Variants in FGF14 observed in about 807,000 individuals in gnomAD.
The protein encoded by FGF14 is fibroblast growth factor 14.
A neutral mutation model predicts 25.5 loss-of-function variants in FGF14; 5 were observed. The observed-to-expected ratio is 0.20, with a 90% CI of 0.10 to 0.41. FGF14 has a LOEUF of 0.41. Ranked by LOEUF, FGF14 falls within the 10% of genes least tolerant of loss-of-function variation. FGF14 has a pLI of 1.00. For synonymous variants in FGF14, 138 were observed against 118.3 expected (o/e 1.17, Z -1.08); for missense variants, 222 against 320.1 (o/e 0.69, Z 2.34).
At chr13:102,137,490 T>G (rs2046463278) in intron 1 of FGF14, among the ~76,000 whole-genome samples, 2 of 152,278 alleles carry the variant, frequency 1.3e-5, no homozygotes, top group African/African-American at 4.8e-5. Context: ...AAGTCTGGAC[T>G]CTGGTAATTT....
rs186275990 is a variant in FGF14, at chr13:102,174,721, T to C, written c.208+226750A>G. 3.3e-5 allele frequency among the ~76,000 whole-genome samples: 5 copies of C among 152,126 alleles called. No individual in the cohort carries two copies. The East Asian group carries it at 9.7e-4, about 29-fold the overall frequency. On this transcript the variant is annotated intron_variant, in intron 1 of 4. Coordinates refer to the FGF14 transcript ENST00000376131. ...CTTACTTACAAGTGGGAGCTAAGCA[T>C]TGAGCACACATGGACATAAATAGGG...
intron 1 of FGF14, among the ~76,000 whole-genome samples, chr13:102,269,907 C>T (rs1024611127): frequency 2.0e-5 from 3 of 152,088 alleles, no homozygotes; most frequent in Admixed American, 6.6e-5. Flanking sequence ...AGATGGTGTC[C>T]ACAAGCTAGA....
chr13:102,029,097 C>T (rs947369207), intron 1 of FGF14, among the ~76,000 whole-genome samples: 18 of 152,128 alleles, frequency 1.2e-4, no homozygotes, highest in Non-Finnish European at 2.4e-4. Flanking sequence ...ATGGTAACTT[C>T]GCTGGCTTGG....
chr13:102,119,814 G>A (rs1386672415), intron 1 of FGF14, among the ~76,000 whole-genome samples: 1 of 152,136 alleles, frequency 6.6e-6, no homozygotes, highest in Non-Finnish European at 1.5e-5. Context: ...GTTTTTAAAT[G>A]TTTCCGTATG....
At chr13:101,743,628 TGTCA>T (rs2036697018) in intron 3 of FGF14, among the ~76,000 whole-genome samples, 1 of 152,186 alleles carries the variant, frequency 6.6e-6, no homozygotes, top group Non-Finnish European at 1.5e-5. Flanking sequence ...GCCTTCACAC[TGTCA>T]GTGATAGAAT....
chr13:101,742,956 T>C (rs1334579173), intron 3 of FGF14, among the ~76,000 whole-genome samples: 1 of 152,182 alleles, frequency 6.6e-6, no homozygotes, highest in East Asian at 1.9e-4. Flanking sequence ...TTTCTGTAAA[T>C]TGTGCATTCA....
intron 3 of FGF14, among the ~76,000 whole-genome samples, chr13:101,744,191 ATTTT>A (rs1372681510): frequency 6.6e-6 from 1 of 152,166 alleles, no homozygotes; most frequent in African/African-American, 2.4e-5. Flanking sequence ...CTTGTGGGTG[ATTTT>A]TTTATTGTAT....
chr13:101,782,957 T>A (rs1026746344), intron 3 of FGF14, among the ~76,000 whole-genome samples: 3 of 152,208 alleles, frequency 2.0e-5, no homozygotes, highest in Admixed American at 6.5e-5. Context: ...TGTCACTCTG[T>A]CTTCCACAAT....
intron 1 of FGF14, among the ~76,000 whole-genome samples, chr13:102,106,639 A>G (rs1278228892): frequency 1.3e-5 from 2 of 151,870 alleles, no homozygotes; most frequent in Non-Finnish European, 2.9e-5. Flanking sequence ...AGAGAGAAAG[A>G]AAGAAAAGAA....
At chr13:101,836,264 T>G (rs887293661) in intron 3 of FGF14, among the ~76,000 whole-genome samples, 5 of 151,982 alleles carry the variant, frequency 3.3e-5, no homozygotes, top group African/African-American at 1.2e-4. Flanking sequence ...CTAAGACAAA[T>G]AAGATTCTAC....
chr13:102,252,856 T>C (rs530160330), intron 1 of FGF14, among the ~76,000 whole-genome samples: 64 of 152,192 alleles, frequency 4.2e-4, no homozygotes, highest in African/African-American at 1.5e-3. Flanking sequence ...TGTGTAATGT[T>C]CCCTTCCCTG....
intron 1 of FGF14, among the ~76,000 whole-genome samples, chr13:101,891,297 G>A (rs1343745417): frequency 6.6e-6 from 1 of 152,118 alleles, no homozygotes; most frequent in African/African-American, 2.4e-5. Context: ...GTCTCCAGTT[G>A]TGAGGAATAT....
Position 101,915,229 on chromosome 13 carries a change from T to C in FGF14, c.193+1224A>G, listed in dbSNP as rs935427525. On this transcript the variant is annotated intron_variant, in intron 1 of 4. Coordinates refer to ENST00000376143, the MANE Select transcript of FGF14 (RefSeq NM_004115.4). ...AATTGTCCTTTTAAAATATTCAGCATTAGCCTTTAAAAAAAAAGCATCAAA... is the reference window on the plus strand; with the variant it reads ...AATTGTCCTTTTAAAATATTCAGCACTAGCCTTTAAAAAAAAAGCATCAAA... Among the ~76,000 whole-genome samples, 3 of 152,212 alleles carry C rather than the reference T, an allele frequency of 2.0e-5. 1 individual carries two copies. Among genetic ancestry groups the C allele is most frequent in the Non-Finnish European group, 4.4e-5 (3 of 68,034 alleles).
At chr13:101,780,683 T>C (rs1414948978) in intron 3 of FGF14, among the ~76,000 whole-genome samples, 1 of 152,090 alleles carries the variant, frequency 6.6e-6, no homozygotes, top group African/African-American at 2.4e-5. Flanking sequence ...GAAACCCTTA[T>C]TAAACCTTTA....
intron 1 of FGF14, among the ~76,000 whole-genome samples, chr13:102,188,633 A>G (rs2048966317): frequency 6.6e-6 from 1 of 152,116 alleles, no homozygotes; most frequent in Non-Finnish European, 1.5e-5. Context: ...TTGGTGCCAG[A>G]AATAGCATAA....
upstream of FGF14, among the ~76,000 whole-genome samples, chr13:101,921,506 C>T (rs147140428): frequency 1.6e-3 from 250 of 152,294 alleles, 2 homozygotes; most frequent in African/African-American, 5.7e-3. Flanking sequence ...TTCTCTAATA[C>T]CCCGTATATA....
chr13:101,801,274 C>T lies in FGF14; in HGVS notation c.408+67451G>A, dbSNP rs191734050. The stretch of plus-strand genomic sequence containing the variant: ...AGGGTCTATAAGGAGAGCTATGCTG[C>T]GTTTGGAAAATATGATCTAAAACAA... On this transcript the variant is annotated intron_variant, in intron 3 of 4. Transcript: ENST00000376143. 2.6e-4 allele frequency among the ~76,000 whole-genome samples: 40 copies of T among 152,118 alleles called. No individual in the cohort carries two copies. In the East Asian group the frequency reaches 4.8e-3, roughly 18 times the overall value.
chr13:102,154,326 A>T (rs1212584495), intron 1 of FGF14, among the ~76,000 whole-genome samples: 1 of 151,606 alleles, frequency 6.6e-6, no homozygotes, highest in Non-Finnish European at 1.5e-5. Flanking sequence ...TCTCGGCAGA[A>T]ACCCTACAAG....
intron 1 of FGF14, among the ~76,000 whole-genome samples, chr13:102,093,666 C>CT (rs1289914930): frequency 2.0e-5 from 3 of 152,086 alleles, no homozygotes; most frequent in African/African-American, 7.2e-5. Context: ...CAAACTGCCA[C>CT]TAGTGATGCT....
Sources: allele counts gnomAD v4.1 joint callset (sites outside exome capture counted in the v4.1 genomes callset), GRCh38; gene constraint gnomAD v4.1.1; transcripts MANE v1.5; gene names NCBI Gene and HGNC (gene_info 2026-07-23, HGNC 2026-07-21).